THRB: variants seen among roughly 807,000 people sequenced by gnomAD.
THRB encodes the protein thyroid hormone receptor beta.
Under a neutral mutation model 47.8 loss-of-function variants are expected in THRB, and 12 were observed. The ratio of observed to expected loss-of-function variants is 0.25; its 90% CI spans 0.16 to 0.41. THRB has a LOEUF of 0.41. Among genes scored for constraint, THRB ranks in the 10% least tolerant of loss-of-function variants. The probability of loss-of-function intolerance (pLI) is 1.00; values close to 1 mark genes in which losing one functional copy is unlikely to be tolerated. For missense variants in THRB, 348 were observed against 589.2 expected (o/e 0.59, Z 4.24); for synonymous variants, 218 against 212.2 (o/e 1.03, Z -0.24).
intron 8 of THRB, among the ~76,000 whole-genome samples, chr3:24,141,021 A>G (rs2035373074): frequency 6.6e-6 from 1 of 152,256 alleles, no homozygotes; most frequent in South Asian, 2.1e-4. Context: ...ATCCTTCCCA[A>G]TAACCCTCTA....
intron 1 of THRB, among the ~76,000 whole-genome samples, chr3:24,416,353 C>A (rs151309215): frequency 1.1e-4 from 17 of 151,774 alleles, no homozygotes; most frequent in African/African-American, 3.9e-4. Flanking sequence ...GTAAATGGCT[C>A]GCTGATGGGA....
intron 4 of THRB, among the ~76,000 whole-genome samples, chr3:24,205,738 G>T (rs1328614909): frequency 6.6e-6 from 1 of 152,180 alleles, no homozygotes; most frequent in Admixed American, 6.5e-5. Flanking sequence ...CCATCAGTGT[G>T]CTGTATTCAG....
At chr3:24,479,244 G>C (rs1348491809) in intron 1 of THRB, among the ~76,000 whole-genome samples, 1 of 152,242 alleles carries the variant, frequency 6.6e-6, no homozygotes, top group Admixed American at 6.5e-5. Flanking sequence ...GGGGCTAGCA[G>C]TGAGCTGAGA....
At chr3:24,321,139 G>C (rs2058456622) in intron 2 of THRB, among the ~76,000 whole-genome samples, 1 of 152,152 alleles carries the variant, frequency 6.6e-6, no homozygotes, top group Non-Finnish European at 1.5e-5. Context: ...TTATCAAAGT[G>C]AGTGACTTTG....
chr3:24,256,952 C>T (rs556656349), intron 3 of THRB, among the ~76,000 whole-genome samples: 12 of 152,130 alleles, frequency 7.9e-5, no homozygotes, highest in Non-Finnish European at 1.5e-4. Flanking sequence ...CACAAATTAG[C>T]TCTGTTCTGT....
intron 1 of THRB, among the ~76,000 whole-genome samples, chr3:24,472,495 A>G (rs1212958483): frequency 2.0e-5 from 3 of 152,210 alleles, no homozygotes; most frequent in Non-Finnish European, 2.9e-5. Flanking sequence ...AGGAATGTCA[A>G]CTGTGCAAGG....
At chr3:24,412,393 T>A (rs575663265) in intron 1 of THRB, among the ~76,000 whole-genome samples, 2 of 151,816 alleles carry the variant, frequency 1.3e-5, no homozygotes, top group East Asian at 2.0e-4. Context: ...TACAAAGAAG[T>A]CATCACAAAT....
At chr3:24,492,187 C>T (rs1169375077) in intron 1 of THRB, among the ~76,000 whole-genome samples, 4 of 152,166 alleles carry the variant, frequency 2.6e-5, no homozygotes, top group African/African-American at 9.7e-5. Flanking sequence ...TTATCCAGCA[C>T]CTACTGTGTG....
chr3:24,297,109 A>G (rs997315860), intron 3 of THRB, 117 bp downstream of exon 3: 1 of 152,246 alleles, frequency 6.6e-6, no homozygotes, highest in Non-Finnish European at 1.5e-5. Context: ...ATGGGTTAGA[A>G]AGGAGACAAT....
At chr3:24,369,180 T>A (rs187547709) in intron 1 of THRB, among the ~76,000 whole-genome samples, 1 of 152,062 alleles carries the variant, frequency 6.6e-6, no homozygotes, top group Non-Finnish European at 1.5e-5. Flanking sequence ...TTGGAAGACA[T>A]AAATAAATGC....
chr3:24,131,142 G>C (rs1265687205), intron 9 of THRB, among the ~76,000 whole-genome samples: 1 of 151,990 alleles, frequency 6.6e-6, no homozygotes, highest in East Asian at 1.9e-4. Flanking sequence ...TTCATACACA[G>C]TACATTGTGG....
intron 1 of THRB, among the ~76,000 whole-genome samples, chr3:24,364,176 TA>T (rs2064286654): frequency 6.6e-6 from 1 of 152,110 alleles, no homozygotes; most frequent in South Asian, 2.1e-4. Flanking sequence ...CATATGGTGG[TA>T]AAAAATGAAC....
At chr3:24,190,486 T>G in intron 4 of THRB, 152 bp from the exon 5 acceptor site, 1 of 1,031,424 alleles carries the variant, frequency 9.7e-7, no homozygotes, top group Non-Finnish European at 1.5e-6. Flanking sequence ...GCAGAATTTG[T>G]CAGCCTTGGG....
chr3:24,460,618 T>C (rs1460824126), intron 1 of THRB, among the ~76,000 whole-genome samples: 1 of 152,204 alleles, frequency 6.6e-6, no homozygotes, highest in Non-Finnish European at 1.5e-5. Context: ...ATCTTGAGAA[T>C]TATTTGTCTA....
chr3:24,486,103 C>T (rs1697248470), intron 1 of THRB, among the ~76,000 whole-genome samples: 1 of 152,140 alleles, frequency 6.6e-6, no homozygotes, highest in Non-Finnish European at 1.5e-5. Flanking sequence ...TATCTGGAGA[C>T]ATTTTTGATG....
chr3:24,403,790 GT>G (rs1242760569), intron 1 of THRB, among the ~76,000 whole-genome samples: 1 of 151,984 alleles, frequency 6.6e-6, no homozygotes, highest in Non-Finnish European at 1.5e-5. Context: ...GCAGATAGAA[GT>G]TTGAGGGTTG....
chr3:24,453,472 G>T (rs1451958629), intron 1 of THRB, among the ~76,000 whole-genome samples: 1 of 152,034 alleles, frequency 6.6e-6, no homozygotes, highest in African/African-American at 2.4e-5. Flanking sequence ...CACCTTACTC[G>T]TTTTCCACTG....
At chr3:24,200,285 A>C (rs2044439823) in intron 4 of THRB, among the ~76,000 whole-genome samples, 1 of 151,962 alleles carries the variant, frequency 6.6e-6, no homozygotes, top group Non-Finnish European at 1.5e-5. Context: ...TCTTTATGAG[A>C]CTCGCCCCAT....
chr3:24,163,022 A>G (rs1433215951), intron 5 of THRB, among the ~76,000 whole-genome samples: 2 of 152,306 alleles, frequency 1.3e-5, no homozygotes, highest in Non-Finnish European at 2.9e-5. Flanking sequence ...TAAAAATCCA[A>G]TTGGAAAATG....
Sources: gnomAD v4.1 joint callset for allele counts (sites outside exome capture counted in the v4.1 genomes callset) on GRCh38, gnomAD v4.1.1 for gene constraint, MANE v1.5 for transcripts, NCBI Gene and HGNC (gene_info 2026-07-23, HGNC 2026-07-21) for gene names.